The following KALRN variants were observed in gnomAD, a reference collection of about 807,000 sequenced individuals.
KALRN encodes kalirin.
In KALRN, 70 loss-of-function variants were observed where a neutral mutation model predicts 353.7. The ratio of observed to expected loss-of-function variants is 0.20; its 90% CI spans 0.16 to 0.24. The LOEUF is 0.24. Ranked by LOEUF, KALRN falls within the 10% of genes least tolerant of loss-of-function variation. The pLI, the probability that KALRN is intolerant of heterozygous loss-of-function variation, is 1.00. For synonymous variants in KALRN, 1,391 were observed against 1,434.8 expected (o/e 0.97, Z 0.69); for missense variants, 2,791 against 3,756.7 (o/e 0.74, Z 6.72).
chr3:124,584,989 G>C, intron 34 of KALRN: 1 of 1,470,198 alleles, frequency 6.8e-7, no homozygotes. Context: ...AGGGAGGGAA[G>C]GGTTGGGGAG....
intron 3 of KALRN, among the ~76,000 whole-genome samples, chr3:124,258,190 G>T (rs2072315821): frequency 6.6e-6 from 1 of 152,160 alleles, no homozygotes; most frequent in Admixed American, 6.5e-5. Context: ...GGGTGGAAGT[G>T]CACCACAAGC....
intron 1 of KALRN, among the ~76,000 whole-genome samples, chr3:124,145,392 A>G (rs2067207602): frequency 6.6e-6 from 1 of 152,210 alleles, no homozygotes; most frequent in African/African-American, 2.4e-5. Flanking sequence ...CAGATCAATG[A>G]CATTAAAAAG....
intron 45 of KALRN, among the ~76,000 whole-genome samples, chr3:124,662,266 C>T (rs1488340197): frequency 7.3e-6 from 1 of 136,924 alleles, no homozygotes; most frequent in African/African-American, 2.8e-5. Context: ...CAGAGTGGTG[C>T]AATCCTGGCT....
rs2063354053 is a variant in KALRN at position 124,721,480 on chromosome 3, C to T, written c.*2010C>T. 1 of 152,138 alleles carries T rather than the reference C, an allele frequency of 6.6e-6. No individual in the cohort carries two copies. Among genetic ancestry groups the T allele is most frequent in the Non-Finnish European group, 1.5e-5 (1 of 68,032 alleles). 9.4% of individuals were successfully genotyped at this position (152,138 alleles called of 1,614,324 possible). A position where few individuals can be genotyped will look rare whatever the true frequency, so the allele number is the denominator to read the frequency against. On this transcript the variant is annotated 3_prime_UTR_variant, in exon 60 of 60. Transcript: ENST00000682506. ...TGATACAATACATAAAAATTTAAAA[C>T]ATACATTAAACATGGTTACTAAAAT...
chr3:124,037,879 T>C (rs1236873288), intron 1 of KALRN, among the ~76,000 whole-genome samples: 1 of 152,016 alleles, frequency 6.6e-6, no homozygotes, highest in East Asian at 1.9e-4. Context: ...AGGACCTGGT[T>C]TTGCAGGGCA....
Position 124,450,201 on chromosome 3 carries a change from C to G in KALRN, c.3552+3316C>G, listed in dbSNP as rs181762582. On this transcript the variant is annotated intron_variant, in intron 21 of 59. Coordinates refer to ENST00000682506, the MANE Select transcript of KALRN (RefSeq NM_001388419.1). The stretch of plus-strand genomic sequence containing the variant: ...GGTTCCAGTTTCTCCACATCCTCAC[C>G]AACACTTGTTACTGTGTCTTTTTAT... Among the ~76,000 whole-genome samples the G allele has an allele frequency of 5.1e-4, 78 of 152,270 alleles. 1 individual carries two copies. The Middle Eastern group carries it at 0.01, about 20-fold the overall frequency.
At chr3:124,122,123 T>C (rs556249403) in intron 1 of KALRN, among the ~76,000 whole-genome samples, 1 of 152,318 alleles carries the variant, frequency 6.6e-6, no homozygotes, top group South Asian at 2.1e-4. Flanking sequence ...ATGGAAATTC[T>C]GCAGGTGGTG....
intron 45 of KALRN, among the ~76,000 whole-genome samples, 195 bp downstream of exon 45, chr3:124,662,123 C>G (rs1300241453): frequency 6.7e-6 from 1 of 149,414 alleles, no homozygotes; most frequent in Non-Finnish European, 1.5e-5. Context: ...GTAGGGAGGT[C>G]ATAAGAAGTT....
intron 1 of KALRN, among the ~76,000 whole-genome samples, chr3:124,176,094 G>A (rs2072697331): frequency 6.6e-6 from 1 of 151,974 alleles, no homozygotes; most frequent in South Asian, 2.1e-4. Flanking sequence ...CTTTTGTGTA[G>A]GTGCCTGCAA....
intron 14 of KALRN, among the ~76,000 whole-genome samples, chr3:124,416,321 G>A (rs2092494808): frequency 6.6e-6 from 1 of 152,226 alleles, no homozygotes; most frequent in Non-Finnish European, 1.5e-5. Context: ...AGTCCCTGAG[G>A]ACTGCTTATG....
At chr3:124,354,881 C>A (rs1484522054) in intron 10 of KALRN, among the ~76,000 whole-genome samples, 12 of 152,090 alleles carry the variant, frequency 7.9e-5, no homozygotes, top group East Asian at 3.9e-4. Flanking sequence ...GAGGGTAGAA[C>A]CTTATGCAGA....
chr3:124,637,368 C>T (rs1230420777), intron 37 of KALRN, 65 bp downstream of exon 37: 1 of 1,187,764 alleles, frequency 8.4e-7, no homozygotes, highest in Non-Finnish European at 1.3e-6. Flanking sequence ...AGGCTTGCAT[C>T]TGTCTGCCGT....
chr3:124,392,641 A>G lies in KALRN; in HGVS notation c.1963-2494A>G, dbSNP rs1576540075. Reference sequence around the variant, plus strand: ...TTTTTTTTTGAGACAGTCTCCCTCTATCACCCAGGCTGGAGTGCAGCGGTG... The same window carrying G: ...TTTTTTTTTGAGACAGTCTCCCTCTGTCACCCAGGCTGGAGTGCAGCGGTG... On this transcript the variant is annotated intron_variant, in intron 11 of 59. Coordinates refer to ENST00000682506, the MANE Select transcript of KALRN (RefSeq NM_001388419.1). Among the ~76,000 whole-genome samples the G allele has an allele frequency of 4.7e-5, 6 of 126,648 alleles. No individual in the cohort carries two copies. In the Admixed American group the frequency reaches 4.8e-4, roughly 10 times the overall value. 83.1% of individuals were successfully genotyped at this position (126,648 alleles called of 152,430 possible).
At chr3:124,207,909 T>G (rs1368056932) in intron 1 of KALRN, among the ~76,000 whole-genome samples, 1 of 152,180 alleles carries the variant, frequency 6.6e-6, no homozygotes, top group African/African-American at 2.4e-5. Context: ...TGGGCTCATG[T>G]GATGCTTGAT....
chr3:124,115,094 A>T (rs1033766132), intron 1 of KALRN, among the ~76,000 whole-genome samples: 2 of 152,126 alleles, frequency 1.3e-5, no homozygotes, highest in African/African-American at 4.8e-5. Context: ...GCCTTAAAGG[A>T]TGGGTAAAAG....
chr3:124,191,831 T>C (rs1213915192), intron 1 of KALRN, among the ~76,000 whole-genome samples: 1 of 152,190 alleles, frequency 6.6e-6, no homozygotes, highest in Non-Finnish European at 1.5e-5. Flanking sequence ...ATGTCTCTTT[T>C]ACTCCATTCC....
chr3:124,641,678 A>T (rs1350149754), intron 37 of KALRN, among the ~76,000 whole-genome samples: 1 of 152,218 alleles, frequency 6.6e-6, no homozygotes, highest in Admixed American at 6.5e-5. Flanking sequence ...ATAATCAAGC[A>T]TCTACAAATG....
At chr3:124,145,633 A>C (rs1362980701) in intron 1 of KALRN, among the ~76,000 whole-genome samples, 2 of 152,218 alleles carry the variant, frequency 1.3e-5, no homozygotes, top group Admixed American at 1.3e-4. Flanking sequence ...CTGAGCAGCT[A>C]GTATGTGCCC....
At chr3:124,664,105 T>C (rs1184295073) in intron 45 of KALRN, among the ~76,000 whole-genome samples, 1 of 152,156 alleles carries the variant, frequency 6.6e-6, no homozygotes, top group Non-Finnish European at 1.5e-5. Context: ...TCCGTCATAC[T>C]GGGTGGAGTT....
Sources: gnomAD v4.1 joint callset for allele counts (sites outside exome capture counted in the v4.1 genomes callset) on GRCh38, gnomAD v4.1.1 for gene constraint, MANE v1.5 for transcripts, NCBI Gene and HGNC (gene_info 2026-07-23, HGNC 2026-07-21) for gene names.